Variants in DRC11 observed in about 807,000 individuals in gnomAD.
DRC11 encodes dynein regulatory complex subunit 11.
At chr2:236,311,771 T>C in the DRC11 span, among the ~76,000 whole-genome samples, 1 of 151,506 alleles carries the variant, frequency 6.6e-6, no homozygotes, top group Admixed American at 6.6e-5. This position sits in a 1 kb window ranked among gnomAD's most constrained non-coding sequence, Gnocchi z 6.9. Flanking sequence ...GGCCTCCTCT[T>C]TGAGACAAGC....
the DRC11 span, among the ~76,000 whole-genome samples, chr2:236,313,937 G>C: frequency 6.6e-6 from 1 of 152,196 alleles, no homozygotes; most frequent in African/African-American, 2.4e-5. This position sits in a 1 kb window ranked among gnomAD's most constrained non-coding sequence, Gnocchi z 4.5. Context: ...GATGTGGTTA[G>C]AACTGGGCAG....
At chr2:236,338,279 G>C in the DRC11 span, 1 of 1,614,012 alleles carries the variant, frequency 6.2e-7, no homozygotes, top group Non-Finnish European at 8.5e-7. Flanking sequence ...TTGGAGTTCA[G>C]CATCGAAGGG....
At chr2:236,337,745 G>A in the DRC11 span, among the ~76,000 whole-genome samples, 3 of 152,020 alleles carry the variant, frequency 2.0e-5, no homozygotes, top group Non-Finnish European at 4.4e-5. This position sits in a 1 kb window ranked among gnomAD's most constrained non-coding sequence, Gnocchi z 4.9. Flanking sequence ...GAAAAAGTAA[G>A]CTCTCGTTGT....
the DRC11 span, among the ~76,000 whole-genome samples, chr2:236,347,855 C>CAAAA: frequency 1.5e-4 from 22 of 142,052 alleles, no homozygotes; most frequent in African/African-American, 5.5e-4. Flanking sequence ...TAACTTACGG[C>CAAAA]AAAAAAAAAA....
At chr2:236,363,892 T>C in the DRC11 span, 3 of 1,613,880 alleles carry the variant, frequency 1.9e-6, no homozygotes, top group African/African-American at 1.3e-5. The surrounding 1 kb of genome is among the most constrained non-coding windows in gnomAD (Gnocchi z 5.6). Context: ...GCAGATGGCA[T>C]GGACCAGCAT....
At chr2:236,411,517 AC>A in the DRC11 span, among the ~76,000 whole-genome samples, 3 of 152,168 alleles carry the variant, frequency 2.0e-5, no homozygotes, top group East Asian at 5.8e-4. Flanking sequence ...AACTAGAAAT[AC>A]CATTTGACCC....
the DRC11 span, among the ~76,000 whole-genome samples, chr2:236,372,872 A>G: frequency 6.6e-6 from 1 of 152,244 alleles, no homozygotes; most frequent in East Asian, 1.9e-4. This position sits in a 1 kb window ranked among gnomAD's most constrained non-coding sequence, Gnocchi z 4.5. Context: ...TCCGCCTCCC[A>G]GAGTGCTGAG....
the DRC11 span, among the ~76,000 whole-genome samples, chr2:236,495,352 T>G: frequency 1.3e-5 from 2 of 151,980 alleles, no homozygotes; most frequent in Non-Finnish European, 2.9e-5. This position sits in a 1 kb window ranked among gnomAD's most constrained non-coding sequence, Gnocchi z 5.6. Context: ...TAAAAAAAAA[T>G]TATAGTTAGG....
chr2:236,340,539 T>C, the DRC11 span, among the ~76,000 whole-genome samples: 1 of 151,762 alleles, frequency 6.6e-6, no homozygotes, highest in Admixed American at 6.6e-5. Flanking sequence ...ACAAAGCAGG[T>C]GGTGGGAGTG....
At chr2:236,416,724 TATATATATATATATATATATA>T in the DRC11 span, among the ~76,000 whole-genome samples, 8 of 20,500 alleles carry the variant, frequency 3.9e-4, no homozygotes, top group East Asian at 2.8e-3. Flanking sequence ...TATATATTTA[TATATATATATATATATATATA>T]TATATATATA....
chr2:236,458,657 G>A, the DRC11 span, among the ~76,000 whole-genome samples: 14 of 152,220 alleles, frequency 9.2e-5, no homozygotes, highest in East Asian at 1.5e-3. Context: ...GGGGGCATTC[G>A]CTGGCAGAAA....
At chr2:236,472,484 T>C in the DRC11 span, among the ~76,000 whole-genome samples, 38 of 152,342 alleles carry the variant, frequency 2.5e-4, no homozygotes, top group Admixed American at 1.4e-3. This position sits in a 1 kb window ranked among gnomAD's most constrained non-coding sequence, Gnocchi z 4.6. Context: ...TGAAACTCAG[T>C]TGCACATGTA....
At chr2:236,357,049 T>C in the DRC11 span, among the ~76,000 whole-genome samples, 12 of 106,760 alleles carry the variant, frequency 1.1e-4, 3 homozygotes, top group African/African-American at 3.4e-4. Context: ...TCATATATTA[T>C]ATATCTATTT....
chr2:236,460,679 G>A, the DRC11 span, among the ~76,000 whole-genome samples: 47 of 152,198 alleles, frequency 3.1e-4, no homozygotes, highest in Middle Eastern at 3.4e-3. This position sits in a 1 kb window ranked among gnomAD's most constrained non-coding sequence, Gnocchi z 4.0. Context: ...CCACTCTAGC[G>A]GCTAGAAGTA....
chr2:236,361,579 T>C, the DRC11 span, among the ~76,000 whole-genome samples: 2 of 152,194 alleles, frequency 1.3e-5, no homozygotes, highest in African/African-American at 4.8e-5. This position sits in a 1 kb window ranked among gnomAD's most constrained non-coding sequence, Gnocchi z 5.7. Context: ...TCTCATATTT[T>C]ATGTAAAATA....
the DRC11 span, among the ~76,000 whole-genome samples, chr2:236,444,836 G>A: frequency 6.6e-6 from 1 of 152,232 alleles, no homozygotes. Context: ...TAGATGCAGT[G>A]ATGGGAGACA....
chr2:236,395,917 A>G, the DRC11 span, among the ~76,000 whole-genome samples: 11 of 152,358 alleles, frequency 7.2e-5, no homozygotes, highest in African/African-American at 2.4e-4. Context: ...AATAAAAGGA[A>G]GGCAGAATCT....
At chr2:236,350,403 C>T in the DRC11 span, among the ~76,000 whole-genome samples, 1 of 152,236 alleles carries the variant, frequency 6.6e-6, no homozygotes, top group African/African-American at 2.4e-5. The surrounding 1 kb of genome is among the most constrained non-coding windows in gnomAD (Gnocchi z 5.2). Context: ...TATTACCAAA[C>T]AAGACAGAGA....
the DRC11 span, among the ~76,000 whole-genome samples, chr2:236,431,575 C>A: frequency 2.6e-5 from 4 of 152,184 alleles, no homozygotes; most frequent in African/African-American, 9.6e-5. This position sits in a 1 kb window ranked among gnomAD's most constrained non-coding sequence, Gnocchi z 4.2. Context: ...GGAACACAAC[C>A]AAAGCACATC....
Sources: gnomAD v4.1 joint callset for allele counts (sites outside exome capture counted in the v4.1 genomes callset) on GRCh38, gnomAD v4.1.1 for gene constraint, Gnocchi (gnomAD v3.1) non-coding constraint, MANE v1.5 for transcripts, NCBI Gene and HGNC (gene_info 2026-07-23, HGNC 2026-07-21) for gene names.